Variants in RBFOX1 observed in about 807,000 individuals in gnomAD.
RBFOX1 encodes RNA binding fox-1 homolog 1, also known as RNA binding protein fox-1 homolog 1.
In RBFOX1, 8 loss-of-function variants were observed where a neutral mutation model predicts 57.7. The ratio of observed to expected loss-of-function variants is 0.14; its 90% CI spans 0.08 to 0.25. RBFOX1 has a LOEUF of 0.25. Ranked by LOEUF, RBFOX1 falls within the 10% of genes least tolerant of loss-of-function variation. The pLI, the probability that RBFOX1 is intolerant of heterozygous loss-of-function variation, is 1.00. For synonymous variants in RBFOX1, 326 were observed against 222.4 expected (o/e 1.47, Z -4.15); for missense variants, 611 against 548.5 (o/e 1.11, Z -1.14).
At chr16:6,600,012 C>T (rs1262226293) in intron 2 of RBFOX1, among the ~76,000 whole-genome samples, 1 of 152,134 alleles carries the variant, frequency 6.6e-6, no homozygotes, top group South Asian at 2.1e-4. Flanking sequence ...CTTCCCAAAG[C>T]CCAGATAACT....
At chr16:5,983,917 C>CTCCTCCTCCCCCTCCTCCTCCTCCTCT (rs2060225889) in intron 4 of RBFOX1, among the ~76,000 whole-genome samples, 1 of 144,570 alleles carries the variant, frequency 6.9e-6, no homozygotes, top group Non-Finnish European at 1.5e-5. Context: ...CCTCCTCTTC[C>CTCCTCCTCCCCCTCCTCCTCCTCCTCT]TCCTCCTCCC....
At chr16:5,951,371 C>T (rs993873300) in intron 4 of RBFOX1, among the ~76,000 whole-genome samples, 6 of 152,064 alleles carry the variant, frequency 3.9e-5, no homozygotes, top group Non-Finnish European at 7.4e-5. Context: ...TTGCTTGAAC[C>T]CGGGAGGCAG....
intron 1 of RBFOX1, among the ~76,000 whole-genome samples, chr16:5,339,972 C>A (rs1206653662): frequency 1.3e-5 from 2 of 152,212 alleles, no homozygotes; most frequent in African/African-American, 4.8e-5. Flanking sequence ...CTTGACATTC[C>A]AAGATGTTGA....
chr16:5,373,213 C>T (rs1463125887), intron 1 of RBFOX1, among the ~76,000 whole-genome samples: 1 of 152,106 alleles, frequency 6.6e-6, no homozygotes, highest in Non-Finnish European at 1.5e-5. Context: ...TTTATGGCTT[C>T]TAGGTGTCGT....
chr16:5,979,899 A>T (rs1245150344), intron 4 of RBFOX1, among the ~76,000 whole-genome samples: 1 of 152,156 alleles, frequency 6.6e-6, no homozygotes, highest in African/African-American at 2.4e-5. Flanking sequence ...AAGGTGCAAG[A>T]GGTTAAATTG....
At chr16:6,526,372 T>C (rs2096577817) in intron 2 of RBFOX1, among the ~76,000 whole-genome samples, 1 of 152,178 alleles carries the variant, frequency 6.6e-6, no homozygotes, top group Admixed American at 6.5e-5. Context: ...AAAGGCTCTG[T>C]TGTAATTAGT....
intron 3 of RBFOX1, among the ~76,000 whole-genome samples, chr16:6,897,284 G>T (rs944819598): frequency 1.3e-5 from 2 of 152,154 alleles, no homozygotes; most frequent in South Asian, 2.1e-4. Flanking sequence ...TAGCTTGTAA[G>T]CCCAGCTACT....
At chr16:5,324,028 A>G (rs537707792) in intron 1 of RBFOX1, among the ~76,000 whole-genome samples, 1 of 152,368 alleles carries the variant, frequency 6.6e-6, no homozygotes, top group East Asian at 1.9e-4. Context: ...TCAGATGGGC[A>G]TCACATGAGT....
intron 1 of RBFOX1, among the ~76,000 whole-genome samples, chr16:5,359,485 G>A (rs145286575): frequency 6.6e-6 from 1 of 152,308 alleles, no homozygotes; most frequent in Admixed American, 6.5e-5. Context: ...GTTCATGCCT[G>A]TCTTTTGGAT....
intron 3 of RBFOX1, among the ~76,000 whole-genome samples, chr16:5,821,562 CA>C (rs780734648): frequency 3.9e-5 from 6 of 152,112 alleles, no homozygotes; most frequent in Non-Finnish European, 8.8e-5. Context: ...TTTGGCCTCC[CA>C]AAATGCTGGG....
chr16:7,499,977 C>T (rs918526764), intron 4 of RBFOX1, among the ~76,000 whole-genome samples: 1 of 152,100 alleles, frequency 6.6e-6, no homozygotes, highest in East Asian at 1.9e-4. Context: ...TTTCCAAAAA[C>T]CCCTGGTTTT....
chr16:7,246,277 A>T (rs11862525), intron 4 of RBFOX1, among the ~76,000 whole-genome samples: 9 of 151,880 alleles, frequency 5.9e-5, no homozygotes, highest in Non-Finnish European at 1.2e-4. Context: ...ATGCAATCCA[A>T]TTGCCTCTCA....
intron 1 of RBFOX1, among the ~76,000 whole-genome samples, chr16:5,448,540 G>T (rs1373522444): frequency 1.3e-5 from 2 of 152,116 alleles, no homozygotes; most frequent in African/African-American, 4.8e-5. Context: ...GTGTTTTCTG[G>T]GTCTCCTCTG....
intron 3 of RBFOX1, among the ~76,000 whole-genome samples, chr16:6,820,855 T>C (rs1422054833): frequency 6.6e-6 from 1 of 152,194 alleles, no homozygotes; most frequent in East Asian, 1.9e-4. Flanking sequence ...AAGTTAATTA[T>C]TTTTGACCCA....
In RBFOX1 at chr16:5,641,497, A is replaced by C. The variant is rs147620257; in HGVS notation, c.318+42536A>C. Among the ~76,000 whole-genome samples the C allele has an allele frequency of 1.6e-4, 24 of 152,350 alleles. No individual in the cohort carries two copies. The East Asian group carries it at 4.6e-3, about 29-fold the overall frequency. ...AGGGTAAGTAGAAAGGCCTCTTCCA[A>C]GAGATAGCTGTTACTCAGGTCCTGG... On this transcript the variant is annotated intron_variant, in intron 3 of 19. Coordinates refer to the RBFOX1 transcript ENST00000641259.
At chr16:7,456,356 A>G (rs528848817) in intron 4 of RBFOX1, among the ~76,000 whole-genome samples, 2 of 152,272 alleles carry the variant, frequency 1.3e-5, no homozygotes, top group East Asian at 1.9e-4. Flanking sequence ...CTTTTAATGT[A>G]TAGTCACCCA....
intron 1 of RBFOX1, among the ~76,000 whole-genome samples, chr16:6,220,114 A>C (rs535781379): frequency 6.6e-6 from 1 of 152,006 alleles, no homozygotes; most frequent in Non-Finnish European, 1.5e-5. Flanking sequence ...AAGGGTATTT[A>C]TCATTTATCT....
At chr16:7,497,382 C>G (rs1307381927) in intron 4 of RBFOX1, among the ~76,000 whole-genome samples, 1 of 152,154 alleles carries the variant, frequency 6.6e-6, no homozygotes, top group Non-Finnish European at 1.5e-5. Context: ...TTCCTCTCAA[C>G]TGCTACATCC....
intron 3 of RBFOX1, among the ~76,000 whole-genome samples, chr16:7,003,297 T>A (rs1389269836): frequency 2.0e-5 from 3 of 151,916 alleles, no homozygotes; most frequent in Non-Finnish European, 4.4e-5. Flanking sequence ...CCGTCTCTAC[T>A]AAAAGTGCAA....
Sources: allele counts gnomAD v4.1 joint callset (sites outside exome capture counted in the v4.1 genomes callset), GRCh38; gene constraint gnomAD v4.1.1; transcripts MANE v1.5; gene names NCBI Gene and HGNC (gene_info 2026-07-23, HGNC 2026-07-21).